HELLS: variants seen among roughly 807,000 people sequenced by gnomAD.
HELLS encodes the protein lymphoid-specific helicase.
HELLS carries 32 observed loss-of-function variants against 120.0 expected under a neutral mutation model. The observed-to-expected ratio is 0.27, with a 90% CI of 0.20 to 0.36. The LOEUF (loss-of-function observed/expected upper bound fraction) is 0.36. Ranked by LOEUF, HELLS falls within the 10% of genes least tolerant of loss-of-function variation. The pLI is 1.00. For missense variants in HELLS, 650 were observed against 993.4 expected, an observed-to-expected ratio of 0.65 and a Z score of 4.65; for synonymous variants, 341 against 323.4, an observed-to-expected ratio of 1.05 and a Z score of -0.58.
intron 19 of HELLS, among the ~76,000 whole-genome samples, chr10:94,596,176 T>A (rs1336522707): frequency 2.6e-5 from 4 of 152,196 alleles, no homozygotes; most frequent in Non-Finnish European, 5.9e-5. Context: ...GGGATTTTTT[T>A]AAATGCTGAC....
rs1846024228 is a variant in HELLS, at chr10:94,601,383, T to A, written c.2423-145T>A. On this transcript the variant is annotated intron_variant, in intron 21 of 21. Coordinates refer to ENST00000348459, the MANE Select transcript of HELLS (RefSeq NM_018063.5). ...TTCACTGCTATTAAATCTTGGTGAT[T>A]AAGGAAGAGAGTGCCCTGTATTACT... The A allele has an allele frequency of 1.1e-5, 6 of 539,054 alleles. 1 individual carries two copies. The South Asian group carries it at 1.4e-4, about 12-fold the overall frequency. The allele number at this position is 539,054 out of a possible 1,614,324, so 33.4% of individuals were successfully genotyped here.
At chr10:94,580,277 G>A (rs1396054553) in intron 10 of HELLS, among the ~76,000 whole-genome samples, 2 of 148,720 alleles carry the variant, frequency 1.3e-5, no homozygotes, top group East Asian at 4.0e-4. Context: ...CTGTCTCCCG[G>A]GCTCAAGCAA....
chr10:94,553,179 C>A (rs1843066893), intron 2 of HELLS, among the ~76,000 whole-genome samples: 1 of 152,086 alleles, frequency 6.6e-6, no homozygotes, highest in Non-Finnish European at 1.5e-5. Context: ...CAAAAATTTT[C>A]CTTATCTGTA....
intron 12 of HELLS, among the ~76,000 whole-genome samples, chr10:94,583,353 CA>C (rs2134084629): frequency 6.6e-6 from 1 of 152,198 alleles, no homozygotes; most frequent in Non-Finnish European, 1.5e-5. Flanking sequence ...GAATGCTTGC[CA>C]ATAATACTTT....
downstream of HELLS, among the ~76,000 whole-genome samples, chr10:94,605,493 A>G (rs1007204543): frequency 3.9e-5 from 6 of 152,134 alleles, no homozygotes; most frequent in East Asian, 1.9e-4. Context: ...GAGAACTCGC[A>G]TATCTGGCTG....
At chr10:94,606,510 TTA>T (rs2134144201), downstream of HELLS, among the ~76,000 whole-genome samples, 1 of 148,662 alleles carries the variant, frequency 6.7e-6, no homozygotes, top group African/African-American at 2.6e-5. Flanking sequence ...CCCAGATAAT[TTA>T]AAAAAAAAAA....
chr10:94,554,833 C>T (rs1028185040), intron 3 of HELLS, among the ~76,000 whole-genome samples: 1 of 151,800 alleles, frequency 6.6e-6, no homozygotes, highest in Non-Finnish European at 1.5e-5. Flanking sequence ...GAATCAATCA[C>T]GTCTATGTTA....
chr10:94,558,102 C>T (rs775282199), intron 3 of HELLS, 37 bp from the exon 4 acceptor site: 13 of 1,544,902 alleles, frequency 8.4e-6, no homozygotes, highest in Non-Finnish European at 1.1e-5. Flanking sequence ...AAATGTTGCA[C>T]TTTCCACTTG....
chr10:94,592,160 A>C (rs1845519464), intron 15 of HELLS, 69 bp from the exon 16 acceptor site: 4 of 1,208,250 alleles, frequency 3.3e-6, no homozygotes, highest in Non-Finnish European at 4.7e-6. Flanking sequence ...AACTTTCCAA[A>C]TGGCTTTTGT....
At chr10:94,559,792 TAAAAACAGAAACACAA>T (rs1843461103) in intron 4 of HELLS, among the ~76,000 whole-genome samples, 1 of 152,158 alleles carries the variant, frequency 6.6e-6, no homozygotes, top group Non-Finnish European at 1.5e-5. Flanking sequence ...AAGATATCTT[TAAAAACAGAAACACAA>T]ATAAAACAGG....
exon 10 of HELLS, chr10:94,610,131 C>T (rs1846174786): frequency 6.6e-6 from 1 of 152,180 alleles, no homozygotes; most frequent in Non-Finnish European, 1.5e-5. Flanking sequence ...CTCTCCCCTG[C>T]AAAATATCCC....
At chr10:94,581,057 G>A (rs2134078439) in intron 10 of HELLS, among the ~76,000 whole-genome samples, 1 of 152,276 alleles carries the variant, frequency 6.6e-6, no homozygotes, top group East Asian at 1.9e-4. Context: ...ACTAAGGTGT[G>A]AATAGGGAAA....
downstream of HELLS, among the ~76,000 whole-genome samples, chr10:94,602,756 C>T (rs1158933114): frequency 6.6e-6 from 1 of 151,914 alleles, no homozygotes; most frequent in Non-Finnish European, 1.5e-5. Flanking sequence ...TGGATAAGTT[C>T]TTTGGTGGTG....
At chr10:94,582,843 GGATTT>G in intron 11 of HELLS, 115 bp from the exon 12 acceptor site, 1 of 547,920 alleles carries the variant, frequency 1.8e-6, no homozygotes, top group Non-Finnish European at 3.2e-6. Flanking sequence ...TTGCACCTAA[GGATTT>G]GATGCAACAA....
intron 10 of HELLS, among the ~76,000 whole-genome samples, chr10:94,579,128 A>AT (rs1371058055): frequency 2.0e-5 from 3 of 151,012 alleles, no homozygotes; most frequent in Admixed American, 6.6e-5. Context: ...ATATATACCA[A>AT]TTTTTTTTAA....
At chr10:94,571,473 A>G (rs769105788) in intron 7 of HELLS, 44 bp downstream of exon 7, 1 of 1,407,952 alleles carries the variant, frequency 7.1e-7, no homozygotes, top group Admixed American at 1.9e-5. Context: ...AGTCATATTT[A>G]CTCCTCAGTT....
At chr10:94,576,175 G>A (rs1443108521) in intron 9 of HELLS, among the ~76,000 whole-genome samples, 5 of 152,010 alleles carry the variant, frequency 3.3e-5, no homozygotes, top group Admixed American at 6.6e-5. Flanking sequence ...GTGCAGTGGC[G>A]TCATTCTGGC....
At chr10:94,609,237 A>T (rs1474262258) in intron 9 of HELLS, among the ~76,000 whole-genome samples, 1 of 151,806 alleles carries the variant, frequency 6.6e-6, no homozygotes, top group Admixed American at 6.6e-5. Flanking sequence ...TGGTCAGGCT[A>T]GTCTCGAACT....
At chr10:94,589,135 C>T (rs957094170) in intron 13 of HELLS, among the ~76,000 whole-genome samples, 15 of 151,754 alleles carry the variant, frequency 9.9e-5, no homozygotes, top group South Asian at 4.2e-4. Context: ...GCAGCAAGAG[C>T]GAAACTCCGT....
Sources: gnomAD v4.1 joint callset for allele counts (sites outside exome capture counted in the v4.1 genomes callset) on GRCh38, gnomAD v4.1.1 for gene constraint, MANE v1.5 for transcripts, NCBI Gene and HGNC (gene_info 2026-07-23, HGNC 2026-07-21) for gene names.